Variants in ADGRG2 observed in about 807,000 individuals in gnomAD.
ADGRG2 encodes the protein G protein-coupled receptor 64.
ADGRG2 carries 26 observed loss-of-function variants against 74.1 expected under a neutral mutation model. The ratio of observed to expected loss-of-function variants is 0.35; its 90% CI spans 0.26 to 0.49. The LOEUF (loss-of-function observed/expected upper bound fraction) is 0.49. ADGRG2 is among the 20% of genes least tolerant of loss of function. The pLI is 0.99. For missense variants in ADGRG2, 619 were observed against 763.1 expected, an observed-to-expected ratio of 0.81 and a Z score of 2.22; for synonymous variants, 296 against 295.2, an observed-to-expected ratio of 1.00 and a Z score of -0.03.
chrX:19,114,275 T>C (rs2062471200), intron 1 of ADGRG2, among the ~76,000 whole-genome samples: 1 of 108,655 alleles, frequency 9.2e-6, no homozygotes, highest in Admixed American at 1.0e-4. Context: ...GAGGCTCCTG[T>C]TGAATGAGCC....
At chrX:19,039,995 G>A (rs1313367696) in intron 4 of ADGRG2, among the ~76,000 whole-genome samples, 194 bp downstream of exon 4, 4 of 112,017 alleles carry the variant, frequency 3.6e-5, no homozygotes, top group Admixed American at 1.9e-4. Flanking sequence ...GCTTTGTCCC[G>A]CAATATGGAC....
intron 3 of ADGRG2, among the ~76,000 whole-genome samples, chrX:19,046,552 C>A (rs1216500099): frequency 8.9e-6 from 1 of 112,367 alleles, no homozygotes; most frequent in Non-Finnish European, 1.9e-5. Context: ...TAATGAAATC[C>A]TTAAGAAATC....
intron 1 of ADGRG2, among the ~76,000 whole-genome samples, chrX:19,083,666 A>G (rs1336561721): frequency 8.9e-6 from 1 of 111,875 alleles, no homozygotes; most frequent in African/African-American, 3.2e-5. Flanking sequence ...CACGCTGGGG[A>G]AAGAATGGGG....
chrX:19,008,690 G>A (rs2060288621), intron 18 of ADGRG2, among the ~76,000 whole-genome samples: 1 of 110,299 alleles, frequency 9.1e-6, no homozygotes, highest in Admixed American at 9.7e-5. Flanking sequence ...AAAAGGAAGT[G>A]TAATAAGGAG....
intron 1 of ADGRG2, among the ~76,000 whole-genome samples, chrX:19,083,692 G>A (rs780661537): frequency 8.9e-6 from 1 of 112,281 alleles, no homozygotes; most frequent in Non-Finnish European, 1.9e-5. Context: ...ACCCAAGGCA[G>A]AGAGCATTGC....
chrX:19,002,765 C>T (rs1226665129), intron 24 of ADGRG2, 81 bp downstream of exon 24: 13 of 950,443 alleles, frequency 1.4e-5, no homozygotes, highest in Middle Eastern at 5.4e-4. Flanking sequence ...TCTGCTTCAT[C>T]GTTTCCACCT....
At chrX:19,105,967 G>T (rs1043477008) in intron 1 of ADGRG2, among the ~76,000 whole-genome samples, 1 of 104,595 alleles carries the variant, frequency 9.6e-6, no homozygotes, top group Non-Finnish European at 1.9e-5. Context: ...GAAGAAGAAG[G>T]TAACTCTTTG....
chrX:19,048,904 C>T (rs956751421), intron 3 of ADGRG2, among the ~76,000 whole-genome samples: 3 of 111,973 alleles, frequency 2.7e-5, no homozygotes, highest in Admixed American at 9.4e-5. Flanking sequence ...GTGGGGAAAG[C>T]GGGAGGCCGA....
Position 19,072,189 on chromosome X carries a change from T to C in ADGRG2, c.-1-3354A>G, listed in dbSNP as rs185063086. ...TTTGCAATTTTTTTTTTTTAACTCATCAGCTATCAATAGTGTTAGTGTATT... is the reference window on the plus strand; with the variant it reads ...TTTGCAATTTTTTTTTTTTAACTCACCAGCTATCAATAGTGTTAGTGTATT... On this transcript the variant is annotated intron_variant, in intron 2 of 28. Transcript: ENST00000379869. 3.8e-3 allele frequency among the ~76,000 whole-genome samples: 412 copies of C among 109,239 alleles called. 2 individuals carry two copies. The highest frequency in any genetic ancestry group is 6.8e-3 in the Non-Finnish European group (360 of 52,713). The allele number at this position is 109,239 out of a possible 115,157, so 94.9% of individuals were successfully genotyped here.
chrX:19,035,924 G>T lies in ADGRG2; in HGVS notation c.262+18C>A, dbSNP rs142765640. On this transcript the variant is annotated intron_variant, in intron 7 of 28. Transcript: ENST00000379869. ...GCTGCAGAAGAAGCTATTACATTTA[G>T]AAATCACTTGATATTACCTGTTTCG... is the stretch of plus-strand genomic sequence containing the variant. 2.1e-4 allele frequency: 187 copies of T among 892,836 alleles called. No homozygotes were observed. In the African/African-American group the frequency reaches 3.2e-3, roughly 15 times the overall value. 73.6% of individuals were successfully genotyped at this position (892,836 alleles called of 1,213,427 possible).
chrX:19,018,657 A>T (rs6633179), intron 15 of ADGRG2, among the ~76,000 whole-genome samples: 8,964 of 111,397 alleles, frequency 0.08, 755 homozygotes, highest in African/African-American at 0.25. Flanking sequence ...ATTTAGTATA[A>T]GACAAAGGTG....
chrX:19,106,954 G>C (rs2062309053), intron 1 of ADGRG2, among the ~76,000 whole-genome samples: 1 of 110,107 alleles, frequency 9.1e-6, no homozygotes, highest in South Asian at 3.9e-4. Flanking sequence ...TTTGTCTGCT[G>C]CTTTAATGCA....
At chrX:19,001,085 C>G (rs764402874) in intron 24 of ADGRG2, among the ~76,000 whole-genome samples, 2 of 111,135 alleles carry the variant, frequency 1.8e-5, no homozygotes, top group Non-Finnish European at 3.8e-5. Context: ...GAGTCAGCAA[C>G]TCCTGGCAAA....
In ADGRG2 at chrX:18,991,053, A is replaced by G. The variant is rs749701436; in HGVS notation, c.2870-5T>C. On this transcript the variant is annotated splice_polypyrimidine_tract_variant and splice_region_variant and intron_variant, in intron 28 of 28. Coordinates refer to ENST00000379869, the MANE Select transcript of ADGRG2 (RefSeq NM_001079858.3). ...TCCTCTCTGTAGAAGCATTTCCTGTATAAGGAAACACAAAGCGGGTGGCAT... is the reference window on the plus strand; with the variant it reads ...TCCTCTCTGTAGAAGCATTTCCTGTGTAAGGAAACACAAAGCGGGTGGCAT... 1 of 1,134,077 alleles carries G rather than the reference A, an allele frequency of 8.8e-7. No individual in the cohort carries two copies. The highest frequency in any genetic ancestry group is 2.1e-5 in the South Asian group (1 of 46,831). 93.5% of individuals were successfully genotyped at this position (1,134,077 alleles called of 1,213,427 possible). A position where few individuals can be genotyped will look rare whatever the true frequency, so the allele number is the denominator to read the frequency against.
At chrX:19,058,573 A>C (rs1454743262) in intron 3 of ADGRG2, among the ~76,000 whole-genome samples, 1 of 112,009 alleles carries the variant, frequency 8.9e-6, no homozygotes, top group Admixed American at 9.5e-5. Context: ...ATCTTTGTTT[A>C]TCTCTTCTTC....
intron 1 of ADGRG2, among the ~76,000 whole-genome samples, chrX:19,114,537 A>G (rs2062476888): frequency 9.0e-6 from 1 of 111,014 alleles, no homozygotes; most frequent in Admixed American, 9.6e-5. Flanking sequence ...CAACCTTGGC[A>G]CTATTAATGC....
intron 1 of ADGRG2, among the ~76,000 whole-genome samples, chrX:19,086,554 C>A (rs540712370): frequency 9.0e-6 from 1 of 111,435 alleles, no homozygotes; most frequent in Non-Finnish European, 1.9e-5. Context: ...TCCGGGTGTA[C>A]TTAAGAGCCC....
At chrX:19,101,700 C>CAA (rs199707012) in intron 1 of ADGRG2, among the ~76,000 whole-genome samples, 11 of 96,878 alleles carry the variant, frequency 1.1e-4, no homozygotes, top group African/African-American at 3.8e-4. Flanking sequence ...GACGCAATCT[C>CAA]AAAAAAAAAA....
chrX:19,021,806 C>G (rs1234686467), intron 13 of ADGRG2, among the ~76,000 whole-genome samples: 6 of 110,145 alleles, frequency 5.4e-5, no homozygotes, highest in Non-Finnish European at 9.5e-5. Flanking sequence ...TATCACCACA[C>G]CCCACTAATT....
Sources: gnomAD v4.1 joint callset for allele counts (sites outside exome capture counted in the v4.1 genomes callset) on GRCh38, gnomAD v4.1.1 for gene constraint, MANE v1.5 for transcripts, NCBI Gene and HGNC (gene_info 2026-07-23, HGNC 2026-07-21) for gene names.